PXN: variants seen among roughly 807,000 people sequenced by gnomAD.
PXN encodes the protein paxillin.
In PXN, 61 loss-of-function variants were observed where a neutral mutation model predicts 103.6. That is an observed-to-expected ratio of 0.59 (90% CI 0.48 to 0.73). The LOEUF is 0.73. PXN is among the 30% of genes least tolerant of loss of function. PXN has a pLI of 0.00. For synonymous variants in PXN, 562 were observed against 607.8 expected (o/e 0.92, Z 1.11); for missense variants, 1,274 against 1,460.3 (o/e 0.87, Z 2.08).
rs1382176143 is a variant in PXN, at chr12:120,212,783, C to CT, written c.2980-204dup. ...TTTTTTTGTAGAGATGGGGGTCTCA[C>CT]TATATTGCCCATGCTGGTCAAATGT... On this transcript the variant is annotated intron_variant, in intron 14 of 14. Transcript: ENST00000637617. The surrounding 1 kb of genome is among the most constrained non-coding windows in gnomAD (Gnocchi z 7.2). 1 of 529,138 alleles carries CT rather than the reference C, an allele frequency of 1.9e-6. No homozygotes were observed. The highest frequency in any genetic ancestry group is 3.2e-6 in the Non-Finnish European group (1 of 312,390). The allele number at this position is 529,138 out of a possible 1,614,324, so 32.8% of individuals were successfully genotyped here. A position where few individuals can be genotyped will look rare whatever the true frequency, so the allele number is the denominator to read the frequency against.
chr12:120,261,715 T>C (rs182516454), intron 1 of PXN, among the ~76,000 whole-genome samples: 2 of 152,202 alleles, frequency 1.3e-5, no homozygotes, highest in African/African-American at 4.8e-5. Context: ...GTACACCCAG[T>C]CTCTTCAATG....
Position 120,215,170 on chromosome 12 carries a change from T to C in PXN, c.2507A>G (p.Asn836Ser). The C allele has an allele frequency of 6.3e-7, 1 of 1,580,180 alleles. No individual in the cohort carries two copies. The highest frequency in any genetic ancestry group is 8.6e-7 in the Non-Finnish European group (1 of 1,161,468). ...GGCGACTGTGGCGACCCCCAGCTTG[T>C]TCAGGTCAGACTGCAGGCTCCCCAG... ...SMLGSLQSDL[N>S]KLGVATVAKG... Residue 836 changes from asparagine (N) to serine (S), a missense_variant, in exon 11 of 15, where the codon AAC becomes AGC. Asn to Ser is a conservative substitution (Grantham distance 46, BLOSUM62 1). This residue lies in a region of PXN where 1,178 missense variants were observed against 1,309.0 expected (regional missense o/e 0.90). Coordinates refer to ENST00000637617, the MANE Select transcript of PXN (RefSeq NM_001385981.1). This position sits in a 1 kb window ranked among gnomAD's most constrained non-coding sequence, Gnocchi z 4.9.
chr12:120,241,722 C>T (rs924574266), intron 1 of PXN, among the ~76,000 whole-genome samples: 6 of 152,168 alleles, frequency 3.9e-5, no homozygotes, highest in Non-Finnish European at 5.9e-5. Context: ...GATGGGAGCT[C>T]AGAGTGCAAG....
rs1032891538 is a variant in PXN, at chr12:120,228,637, C to G, written c.14-4260G>C. Among the ~76,000 whole-genome samples the G allele has an allele frequency of 1.3e-5, 2 of 152,338 alleles. 1 individual carries two copies. ...TGGGCGCAGTGGGGAAGTTTCTATCCTTAGAGAACAAGGCTGAGCTGGAGG... is the reference window on the plus strand; with the variant it reads ...TGGGCGCAGTGGGGAAGTTTCTATCGTTAGAGAACAAGGCTGAGCTGGAGG... On this transcript the variant is annotated intron_variant, in intron 1 of 14. Transcript: ENST00000637617. The surrounding 1 kb of genome is among the most constrained non-coding windows in gnomAD (Gnocchi z 4.7).
chr12:120,234,833 CT>C (rs1888724412), intron 1 of PXN, among the ~76,000 whole-genome samples: 1 of 152,182 alleles, frequency 6.6e-6, no homozygotes, highest in South Asian at 2.1e-4. Context: ...ACAGGAGACA[CT>C]CAGTCAATAG....
rs761348992 is a variant in PXN, at chr12:120,221,632, C to A, written c.822G>T (p.Ser274=). 2 of 1,561,642 alleles carry A rather than the reference C, an allele frequency of 1.3e-6. No individual in the cohort carries two copies. The highest frequency in any genetic ancestry group is 1.2e-5 in the South Asian group (1 of 84,606). The stretch of plus-strand genomic sequence containing the variant: ...AGGGTTCACAGGGCACCTTGAAATC[C>A]GACAGCGAAGCCATCAGCTCGTCCA... ...RELDELMASL[S]DFKTSSSTVA... The change falls in exon 6 of 15, where the codon TCG becomes TCT. Residue 274 remains serine (S), a synonymous_variant. Coordinates refer to ENST00000637617, the MANE Select transcript of PXN (RefSeq NM_001385981.1). This position sits in a 1 kb window ranked among gnomAD's most constrained non-coding sequence, Gnocchi z 6.6.
Position 120,222,962 on chromosome 12 carries a change from T to C in PXN, c.394A>G (p.Thr132Ala). The change falls in exon 4 of 15, where the codon ACC (threonine) becomes GCC (alanine). Residue 132 changes from threonine (T) to alanine (A), a missense_variant. Thr to Ala is a moderately conservative substitution (Grantham distance 58). Transcript: ENST00000637617. This position sits in a 1 kb window ranked among gnomAD's most constrained non-coding sequence, Gnocchi z 4.7. ...NKQKSAEPSP[T>A]VMSTSLGSNL... ...CTGCCCAGGGACGTGCTCATTACGG[T>C]GGGTGAAGGCTCAGCTGATTTCTGC... 3.1e-6 allele frequency: 5 copies of C among 1,613,868 alleles called. No individual in the cohort carries two copies. The highest frequency in any genetic ancestry group is 3.4e-6 in the Non-Finnish European group (4 of 1,179,866).
rs751973120 is a variant in PXN, at chr12:120,213,797, A to AT, written c.2979+44_2979+45insA. ...CAATGAGGAAGACCCCTCTCTCCCC[A>AT]CTGCCTGCTCCTCGCCCCTCCAGAT... On this transcript the variant is annotated intron_variant, in intron 14 of 14. Coordinates refer to ENST00000637617, the MANE Select transcript of PXN (RefSeq NM_001385981.1). This position sits in a 1 kb window ranked among gnomAD's most constrained non-coding sequence, Gnocchi z 4.2. 2 of 1,583,162 alleles carry AT rather than the reference A, an allele frequency of 1.3e-6. No individual in the cohort carries two copies. Among genetic ancestry groups the AT allele is most frequent in the Admixed American group, 3.6e-5 (2 of 55,242 alleles).
rs760572863 is a variant in PXN, at chr12:120,265,656, G to A, written c.-27C>T. On this transcript the variant is annotated 5_prime_UTR_variant, in exon 1 of 15. Coordinates refer to ENST00000637617, the MANE Select transcript of PXN (RefSeq NM_001385981.1). This position sits in a 1 kb window ranked among gnomAD's most constrained non-coding sequence, Gnocchi z 5.7. ...GCCGGACCACGGGCGCCGGCTCAGG[G>A]TCGCGCTAGCTGCCCGTCCCGGGGC... is the stretch of plus-strand genomic sequence containing the variant. 3 of 1,462,362 alleles carry A rather than the reference G, an allele frequency of 2.1e-6. No homozygotes were observed. In the South Asian group the frequency reaches 3.9e-5, roughly 19 times the overall value. 90.6% of individuals were successfully genotyped at this position (1,462,362 alleles called of 1,614,324 possible). A position where few individuals can be genotyped will look rare whatever the true frequency, so the allele number is the denominator to read the frequency against.
chr12:120,257,179 T>G (rs538527380), intron 1 of PXN, among the ~76,000 whole-genome samples: 7 of 152,252 alleles, frequency 4.6e-5, no homozygotes, highest in African/African-American at 1.7e-4. Flanking sequence ...AGTTCTACGA[T>G]TCAAAACAGC....
chr12:120,212,783 C>A lies in PXN; in HGVS notation c.2980-203G>T, dbSNP rs1880699521. On this transcript the variant is annotated intron_variant, in intron 14 of 14. Transcript: ENST00000637617. This position sits in a 1 kb window ranked among gnomAD's most constrained non-coding sequence, Gnocchi z 7.2. ...TTTTTTTGTAGAGATGGGGGTCTCA[C>A]TATATTGCCCATGCTGGTCAAATGT... The A allele has an allele frequency of 1.9e-6, 1 of 529,138 alleles. No homozygotes were observed. Among genetic ancestry groups the A allele is most frequent in the Non-Finnish European group, 3.2e-6 (1 of 312,390 alleles). 32.8% of individuals were successfully genotyped at this position (529,138 alleles called of 1,614,324 possible). A position where few individuals can be genotyped will look rare whatever the true frequency, so the allele number is the denominator to read the frequency against.
At chr12:120,239,698 C>G (rs1289334300) in intron 1 of PXN, among the ~76,000 whole-genome samples, 1 of 152,172 alleles carries the variant, frequency 6.6e-6, no homozygotes, top group African/African-American at 2.4e-5. Flanking sequence ...TTGCAGTGAC[C>G]TGAGATCACA....
At position 120,217,074 on chromosome 12, in the gene PXN, G is replaced by C; in HGVS notation, c.1759C>G (p.His587Asp). The change falls in exon 8 of 15, where the codon CAC becomes GAC. Residue 587 changes from histidine to aspartate, a missense_variant. Transcript: ENST00000637617. This position sits in a 1 kb window ranked among gnomAD's most constrained non-coding sequence, Gnocchi z 4.1. ...GGGGAGGGCTCCCGGGACATGGGGT[G>C]TGCGTGGCCAGACTCCCAGCTCCTC... ...IRRSWESGHA[H>D]PMSREPSPRR... 1 of 1,591,856 alleles carries C rather than the reference G, an allele frequency of 6.3e-7. No homozygotes were observed. The highest frequency in any genetic ancestry group is 1.1e-5 in the South Asian group (1 of 89,424).
intron 1 of PXN, among the ~76,000 whole-genome samples, chr12:120,262,441 C>T (rs1894019763): frequency 2.6e-5 from 4 of 152,202 alleles, no homozygotes; most frequent in Admixed American, 6.5e-5. Context: ...GTCACCAGCA[C>T]CTACCACCTT....
chr12:120,213,707 G>T lies in PXN; in HGVS notation c.2979+135C>A. The T allele has an allele frequency of 7.9e-7, 1 of 1,269,232 alleles. No homozygotes were observed. Among genetic ancestry groups the T allele is most frequent in the Non-Finnish European group, 1.1e-6 (1 of 927,264 alleles). 78.6% of individuals were successfully genotyped at this position (1,269,232 alleles called of 1,614,324 possible). On this transcript the variant is annotated intron_variant, in intron 14 of 14. Coordinates refer to ENST00000637617, the MANE Select transcript of PXN (RefSeq NM_001385981.1). This position sits in a 1 kb window ranked among gnomAD's most constrained non-coding sequence, Gnocchi z 4.2. ...AGGACCTACTGGACTGGAGGAAGGA[G>T]ATCCCCTGCCTGCTCCCCCAATTAA...
chr12:120,226,340 C>T lies in PXN; in HGVS notation c.14-1963G>A, dbSNP rs1010795676. ...TGCCATCCTTGAAGGCCCACTGGGG[C>T]CAGGAGCTTCACCTTTGTTACCTGC... On this transcript the variant is annotated intron_variant, in intron 1 of 14. Coordinates refer to ENST00000637617, the MANE Select transcript of PXN (RefSeq NM_001385981.1). 10 of 1,289,126 alleles carry T rather than the reference C, an allele frequency of 7.8e-6. No individual in the cohort carries two copies. The African/African-American group carries it at 1.4e-4, about 18-fold the overall frequency. 79.9% of individuals were successfully genotyped at this position (1,289,126 alleles called of 1,614,324 possible).
At chr12:120,259,824 C>T (rs1016234326) in intron 1 of PXN, among the ~76,000 whole-genome samples, 1 of 152,210 alleles carries the variant, frequency 6.6e-6, no homozygotes, top group Non-Finnish European at 1.5e-5. Flanking sequence ...ACCCTGAAGC[C>T]ATTTCCATGA....
Position 120,224,055 on chromosome 12 carries a change from A to T in PXN, c.240+96T>A, listed in dbSNP as rs1373008911. On this transcript the variant is annotated intron_variant, in intron 2 of 14. Transcript: ENST00000637617. This position sits in a 1 kb window ranked among gnomAD's most constrained non-coding sequence, Gnocchi z 5.0. ...TGGTTGGGAAGGGTCGACTGCCCCA[A>T]TTCCATTCCATCCCCTGGCTCCCTA... 1.9e-6 allele frequency: 2 copies of T among 1,060,074 alleles called. No homozygotes were observed. The highest frequency in any genetic ancestry group is 2.7e-6 in the Non-Finnish European group (2 of 739,142). The allele number at this position is 1,060,074 out of a possible 1,614,324, so 65.7% of individuals were successfully genotyped here. A position where few individuals can be genotyped will look rare whatever the true frequency, so the allele number is the denominator to read the frequency against.
In PXN at chr12:120,215,935, G is replaced by A. The variant is rs758281838; in HGVS notation, c.2302-274C>T. 2.4e-5 allele frequency: 33 copies of A among 1,385,344 alleles called. No homozygotes were observed. The highest frequency in any genetic ancestry group is 3.0e-5 in the Non-Finnish European group (32 of 1,070,690). The allele number at this position is 1,385,344 out of a possible 1,614,324, so 85.8% of individuals were successfully genotyped here. On this transcript the variant is annotated intron_variant, in intron 9 of 14. Transcript: ENST00000637617. This position sits in a 1 kb window ranked among gnomAD's most constrained non-coding sequence, Gnocchi z 4.9. ...GCTCAGTGATGAGGCCTCACCGGGCGCTGGGCCTGGGGGCTGGAAGGGAGG... is the reference window on the plus strand; with the variant it reads ...GCTCAGTGATGAGGCCTCACCGGGCACTGGGCCTGGGGGCTGGAAGGGAGG...
Sources: allele counts gnomAD v4.1 joint callset (sites outside exome capture counted in the v4.1 genomes callset), GRCh38; gene constraint gnomAD v4.1.1; regional missense constraint gnomAD v4.1.1; non-coding constraint Gnocchi (gnomAD v3.1); transcripts MANE v1.5; gene names NCBI Gene and HGNC (gene_info 2026-07-23, HGNC 2026-07-21).